Variants in NDC80 observed in about 807,000 individuals in gnomAD.
NDC80 encodes the protein NDC80 kinetochore complex component.
Under a neutral mutation model 89.3 loss-of-function variants are expected in NDC80, and 69 were observed. That is an observed-to-expected ratio of 0.77 (90% CI 0.64 to 0.94). NDC80 has a LOEUF of 0.94. Among genes scored for constraint, NDC80 ranks in the 40% least tolerant of loss-of-function variants. NDC80 has a pLI of 0.00. For synonymous variants in NDC80, 243 were observed against 255.6 expected (o/e 0.95, Z 0.47); for missense variants, 593 against 739.6 (o/e 0.80, Z 2.30).
chr18:2,580,435 G>C (rs1272331250), intron 6 of NDC80, among the ~76,000 whole-genome samples: 1 of 150,990 alleles, frequency 6.6e-6, no homozygotes, highest in Non-Finnish European at 1.5e-5. Context: ...TGAGTTTCCT[G>C]TCCTACTTAG....
intron 13 of NDC80, among the ~76,000 whole-genome samples, chr18:2,604,567 A>G (rs1308764858): frequency 6.6e-6 from 1 of 152,190 alleles, no homozygotes; most frequent in African/African-American, 2.4e-5. Context: ...CTGTAGTCCC[A>G]GCTACTCTGG....
chr18:2,598,168 G>C (rs1233982809), intron 11 of NDC80, among the ~76,000 whole-genome samples: 1 of 152,174 alleles, frequency 6.6e-6, no homozygotes, highest in Non-Finnish European at 1.5e-5. Context: ...TCCAACGTGT[G>C]CTCTTACCAT....
chr18:2,601,570 G>T, intron 13 of NDC80, 85 bp downstream of exon 13: 1 of 558,572 alleles, frequency 1.8e-6, no homozygotes, highest in South Asian at 4.2e-5. Flanking sequence ...GTTTCTGATT[G>T]CTAAGGAATT....
At chr18:2,612,843 TA>T (rs1264616441) in intron 16 of NDC80, among the ~76,000 whole-genome samples, 7 of 152,238 alleles carry the variant, frequency 4.6e-5, no homozygotes, top group Admixed American at 3.3e-4. Context: ...GATTAATCAG[TA>T]TAAATTCTTA....
chr18:2,590,177 T>C lies in NDC80; in HGVS notation c.1015+15T>C, dbSNP rs1442033824. The C allele has an allele frequency of 1.9e-6, 3 of 1,560,206 alleles. No homozygotes were observed. Among genetic ancestry groups the C allele is most frequent in the South Asian group, 2.4e-5 (2 of 81,704 alleles). On this transcript the variant is annotated intron_variant, in intron 10 of 16. Coordinates refer to ENST00000261597, the MANE Select transcript of NDC80 (RefSeq NM_006101.3). ...TGCTAGAGTAGGTAAGCAGAGCTAA[T>C]GCTAAAAGACTGGGATGCGAACCTG...
At chr18:2,591,903 C>T (rs1410912807) in intron 10 of NDC80, among the ~76,000 whole-genome samples, 5 of 151,794 alleles carry the variant, frequency 3.3e-5, no homozygotes, top group South Asian at 2.1e-4. Context: ...TACAGGTGCA[C>T]GCCACCATGC....
chr18:2,590,418 A>G (rs1257654718), intron 10 of NDC80, among the ~76,000 whole-genome samples: 1 of 152,202 alleles, frequency 6.6e-6, no homozygotes, highest in East Asian at 1.9e-4. Context: ...CATCCCTCCA[A>G]GGACTCAGGG....
chr18:2,614,078 G>C (rs372741891), intron 16 of NDC80, among the ~76,000 whole-genome samples: 9 of 152,180 alleles, frequency 5.9e-5, no homozygotes, highest in African/African-American at 1.9e-4. Context: ...ATGCCAGCAA[G>C]GATGTGGAGA....
rs755258506 is a variant in NDC80 at position 2,616,551 on chromosome 18, CTAAT to C, written c.1910_1913del (p.Ile637SerfsTer17). 57 of 1,436,548 alleles carry C rather than the reference CTAAT, an allele frequency of 4.0e-5. No homozygotes were observed. Among genetic ancestry groups the C allele is most frequent in the Middle Eastern group, 2.2e-4 (1 of 4,500 alleles). 89.0% of individuals were successfully genotyped at this position (1,436,548 alleles called of 1,614,324 possible). On this transcript the variant is annotated frameshift_variant, in exon 17 of 17. Coordinates refer to ENST00000261597, the MANE Select transcript of NDC80 (RefSeq NM_006101.3). LOFTEE classifies it high-confidence loss of function. ...AGATAAGTATGAGAAGAAAGCTACT[CTAAT>C]TAAGTCTTCTGAAGAATGAAGATAA...
chr18:2,577,154 T>C (rs2072550659), intron 3 of NDC80: 1 of 152,006 alleles, frequency 6.6e-6, no homozygotes, highest in African/African-American at 2.4e-5. Flanking sequence ...GCTTTATCTA[T>C]ATTAAATCTT....
intron 15 of NDC80, among the ~76,000 whole-genome samples, chr18:2,610,256 C>A (rs1378361129): frequency 6.6e-6 from 1 of 152,164 alleles, no homozygotes; most frequent in Admixed American, 6.5e-5. Flanking sequence ...CTTAAGTTGC[C>A]CTCAAATAAC....
chr18:2,607,313 T>C (rs1269241456), intron 14 of NDC80, among the ~76,000 whole-genome samples: 1 of 152,202 alleles, frequency 6.6e-6, no homozygotes, highest in African/African-American at 2.4e-5. Flanking sequence ...GGTTTTATGA[T>C]ACTTAATCTT....
At position 2,584,305 on chromosome 18, in the gene NDC80, C is replaced by A. The variant is rs1055982270; in HGVS notation, c.580-808C>A. 7.8e-4 allele frequency among the ~76,000 whole-genome samples: 116 copies of A among 148,674 alleles called. 1 individual carries two copies. The highest frequency in any genetic ancestry group is 2.6e-3 in the African/African-American group (107 of 40,646). ...TCCGTCTCAAAAAAAAAAAAAAATACATATTTATATCTAGATATCTCTATA... is the reference window on the plus strand; with the variant it reads ...TCCGTCTCAAAAAAAAAAAAAAATAAATATTTATATCTAGATATCTCTATA... On this transcript the variant is annotated intron_variant, in intron 6 of 16. Transcript: ENST00000261597.
chr18:2,590,373 A>G (rs1020428024), intron 10 of NDC80, among the ~76,000 whole-genome samples: 2 of 152,230 alleles, frequency 1.3e-5, no homozygotes, highest in Non-Finnish European at 2.9e-5. Flanking sequence ...GAAATGTATT[A>G]TCGCACAGTT....
chr18:2,575,734 GGGCAATAT>G (rs1257916113), intron 3 of NDC80, among the ~76,000 whole-genome samples: 1 of 152,178 alleles, frequency 6.6e-6, no homozygotes, highest in Non-Finnish European at 1.5e-5. Context: ...AGACCTAGCT[GGGCAATAT>G]GGTGAAACCC....
Position 2,589,260 on chromosome 18 carries a change from G to A in NDC80, c.820G>A (p.Ala274Thr). The change falls in exon 9 of 17, where the codon GCA becomes ACA. Residue 274 changes from alanine (A) to threonine (T), a missense_variant. Physicochemically the swap from Ala to Thr is moderately conservative, Grantham distance 58. Transcript: ENST00000261597. ...KLESLEAKNR[A>T]LNEQIARLEQ... ...GGAATCATTAGAAGCAAAAAACAGA[G>A]CATTGAATGAACAGATTGCAAGATT... is the stretch of plus-strand genomic sequence containing the variant. The A allele has an allele frequency of 6.2e-7, 1 of 1,613,876 alleles. No individual in the cohort carries two copies. Among genetic ancestry groups the A allele is most frequent in the Admixed American group, 1.7e-5 (1 of 60,010 alleles).
At chr18:2,595,192 G>A in intron 10 of NDC80, among the ~76,000 whole-genome samples, 1 of 145,726 alleles carries the variant, frequency 6.9e-6, no homozygotes. Flanking sequence ...CAAAAAATGA[G>A]AATATACATA....
At chr18:2,596,407 C>CA (rs2072656886) in intron 11 of NDC80, among the ~76,000 whole-genome samples, 1 of 151,186 alleles carries the variant, frequency 6.6e-6, no homozygotes, top group Admixed American at 6.6e-5. Context: ...TTTATGCAGC[C>CA]AAAAAACACA....
rs1176756995 is a variant in NDC80, at chr18:2,573,071, T to C, written c.86T>C (p.Leu29Pro). 3 of 1,613,480 alleles carry C rather than the reference T, an allele frequency of 1.9e-6. No homozygotes were observed. The highest frequency in any genetic ancestry group is 2.5e-6 in the Non-Finnish European group (3 of 1,179,624). ...TCCCAGGATGTAAATAAACAAGGCCTCTATACCCCTCAAACGTGAGTATTT... is the reference window on the plus strand; with the variant it reads ...TCCCAGGATGTAAATAAACAAGGCCCCTATACCCCTCAAACGTGAGTATTT... Reference protein sequence around the residue: ...LRSQDVNKQGLYTPQTKEKPT... With the variant: ...LRSQDVNKQGPYTPQTKEKPT... Residue 29 changes from leucine (L) to proline (P), a missense_variant, in exon 2 of 17, where the codon CTC becomes CCC. Coordinates refer to ENST00000261597, the MANE Select transcript of NDC80 (RefSeq NM_006101.3).
Sources: gnomAD v4.1 joint callset for allele counts (sites outside exome capture counted in the v4.1 genomes callset) on GRCh38, gnomAD v4.1.1 for gene constraint, MANE v1.5 for transcripts, NCBI Gene and HGNC (gene_info 2026-07-23, HGNC 2026-07-21) for gene names.